Variants in STAU2 observed in about 807,000 individuals in gnomAD.
STAU2 encodes staufen double-stranded RNA binding protein 2.
Under a neutral mutation model 65.9 loss-of-function variants are expected in STAU2, and 20 were observed. That is an observed-to-expected ratio of 0.30 (90% confidence interval 0.21 to 0.44). The LOEUF is 0.44. STAU2 is among the 20% of genes least tolerant of loss of function. The pLI is 1.00. For synonymous variants in STAU2, 232 were observed against 233.9 expected, an observed-to-expected ratio of 0.99 and a Z score of 0.07; for missense variants, 558 against 683.9, an observed-to-expected ratio of 0.82 and a Z score of 2.05.
At chr8:73,694,307 G>A (rs1167144338) in intron 4 of STAU2, among the ~76,000 whole-genome samples, 2 of 152,092 alleles carry the variant, frequency 1.3e-5, no homozygotes, top group Admixed American at 1.3e-4. Flanking sequence ...ATATAGTACA[G>A]TTGAACAACA....
intron 13 of STAU2, among the ~76,000 whole-genome samples, chr8:73,485,969 T>C (rs559007598): frequency 5.3e-5 from 8 of 152,220 alleles, no homozygotes; most frequent in Non-Finnish European, 1.2e-4. Flanking sequence ...AGCCAAGGAC[T>C]GTGTGGGGGT....
intron 12 of STAU2, among the ~76,000 whole-genome samples, chr8:73,557,560 G>A (rs1348750739): frequency 6.6e-6 from 1 of 152,130 alleles, no homozygotes; most frequent in Non-Finnish European, 1.5e-5. Context: ...CTATTAGTAG[G>A]ATGTGACTGT....
At chr8:73,695,049 T>G (rs1819610243) in intron 4 of STAU2, among the ~76,000 whole-genome samples, 1 of 152,132 alleles carries the variant, frequency 6.6e-6, no homozygotes, top group Non-Finnish European at 1.5e-5. Flanking sequence ...AGACTGTGCT[T>G]CCTAGGCAAC....
intron 5 of STAU2, among the ~76,000 whole-genome samples, chr8:73,677,659 A>C (rs551031662): frequency 2.0e-5 from 3 of 152,166 alleles, no homozygotes; most frequent in Non-Finnish European, 4.4e-5. Flanking sequence ...AGAGTTGTTT[A>C]ACCAACTGAA....
At chr8:73,550,503 T>A in intron 13 of STAU2, 1 of 986,500 alleles carries the variant, frequency 1.0e-6, no homozygotes, top group Non-Finnish European at 1.2e-6. Flanking sequence ...GCAGTGTTAC[T>A]CTCAGACATT....
intron 6 of STAU2, among the ~76,000 whole-genome samples, chr8:73,654,093 T>C (rs941167818): frequency 6.6e-6 from 1 of 152,184 alleles, no homozygotes; most frequent in East Asian, 1.9e-4. Context: ...AATTTCATAG[T>C]TTATTTTAAT....
intron 4 of STAU2, among the ~76,000 whole-genome samples, chr8:73,701,305 C>G (rs1446867454): frequency 6.6e-6 from 1 of 152,034 alleles, no homozygotes; most frequent in South Asian, 2.1e-4. Flanking sequence ...ACCTTCTGCA[C>G]AGCAAAGGAA....
At chr8:73,525,453 G>A (rs1823302787) in intron 13 of STAU2, among the ~76,000 whole-genome samples, 1 of 152,068 alleles carries the variant, frequency 6.6e-6, no homozygotes, top group Admixed American at 6.6e-5. Flanking sequence ...AATTTGTAAA[G>A]GTGTCATATG....
At chr8:73,741,833 C>A (rs1481472808) in intron 1 of STAU2, among the ~76,000 whole-genome samples, 1 of 152,002 alleles carries the variant, frequency 6.6e-6, no homozygotes, top group Non-Finnish European at 1.5e-5. Flanking sequence ...AGTCTTCTGA[C>A]ACGGAAAAGA....
chr8:73,535,418 C>G (rs1470903483), intron 13 of STAU2, among the ~76,000 whole-genome samples: 2 of 152,214 alleles, frequency 1.3e-5, no homozygotes, highest in Non-Finnish European at 2.9e-5. Flanking sequence ...ATCCGCCCAC[C>G]TCGGCCTCCC....
chr8:73,563,118 T>C (rs1049653017), intron 12 of STAU2, among the ~76,000 whole-genome samples: 2 of 152,096 alleles, frequency 1.3e-5, no homozygotes, highest in African/African-American at 4.8e-5. Context: ...AAAAACCTGT[T>C]CTCCCACTTT....
At chr8:73,460,363 A>G (rs967666778) in intron 13 of STAU2, among the ~76,000 whole-genome samples, 1 of 152,208 alleles carries the variant, frequency 6.6e-6, no homozygotes, top group African/African-American at 2.4e-5. Context: ...CAAATTACTG[A>G]TTCAATACTT....
chr8:73,618,184 C>T (rs181842885), intron 6 of STAU2, among the ~76,000 whole-genome samples: 3 of 152,016 alleles, frequency 2.0e-5, no homozygotes, highest in African/African-American at 7.3e-5. Flanking sequence ...CAATGAACAA[C>T]AACACTTAGA....
At chr8:73,512,669 G>A (rs1360120779) in intron 13 of STAU2, among the ~76,000 whole-genome samples, 1 of 151,428 alleles carries the variant, frequency 6.6e-6, no homozygotes, top group African/African-American at 2.4e-5. Flanking sequence ...GTGGGGGGTG[G>A]GTATTTCTCA....
intron 13 of STAU2, among the ~76,000 whole-genome samples, chr8:73,425,711 C>T (rs1446473161): frequency 6.6e-6 from 1 of 152,022 alleles, no homozygotes; most frequent in Non-Finnish European, 1.5e-5. Flanking sequence ...AATATATAGA[C>T]AAGCAAAAAG....
intron 6 of STAU2, among the ~76,000 whole-genome samples, chr8:73,640,257 T>A (rs1038680512): frequency 6.6e-6 from 1 of 151,668 alleles, no homozygotes; most frequent in African/African-American, 2.4e-5. Flanking sequence ...AAAATTAGAA[T>A]AAAATATACA....
intron 12 of STAU2, among the ~76,000 whole-genome samples, chr8:73,562,280 G>C (rs1334419880): frequency 3.3e-5 from 5 of 152,184 alleles, no homozygotes; most frequent in African/African-American, 9.7e-5. Flanking sequence ...GAGGCCACAA[G>C]TTCAAAACCA....
At chr8:73,651,723 C>T (rs556876947) in intron 6 of STAU2, 187 of 447,826 alleles carry the variant, frequency 4.2e-4, no homozygotes, top group Non-Finnish European at 6.3e-4. Flanking sequence ...GGCATGCATA[C>T]GCTGGGACCA....
chr8:73,740,832 C>T (rs1806801251), intron 1 of STAU2, among the ~76,000 whole-genome samples: 1 of 151,924 alleles, frequency 6.6e-6, no homozygotes, highest in Non-Finnish European at 1.5e-5. Flanking sequence ...GAAACCCTGT[C>T]TCTACTAAAA....
Sources: allele counts gnomAD v4.1 joint callset (sites outside exome capture counted in the v4.1 genomes callset), GRCh38; gene constraint gnomAD v4.1.1; transcripts MANE v1.5; gene names NCBI Gene and HGNC (gene_info 2026-07-23, HGNC 2026-07-21).